The following ADAMTS14 variants were observed in gnomAD, a reference collection of about 807,000 sequenced individuals.
The protein encoded by ADAMTS14 is A disintegrin and metalloproteinase with thrombospondin motifs 14.
Under a neutral mutation model 128.6 loss-of-function variants are expected in ADAMTS14, and 100 were observed. The ratio of observed to expected loss-of-function variants is 0.78; its 90% confidence interval spans 0.66 to 0.92. ADAMTS14 has a LOEUF of 0.92. ADAMTS14 is among the 40% of genes least tolerant of loss of function. The pLI is 0.00. For synonymous variants in ADAMTS14, 665 were observed against 653.8 expected (o/e 1.02, Z -0.26); for missense variants, 1,562 against 1,658.6 (o/e 0.94, Z 1.01).
intron 2 of ADAMTS14, among the ~76,000 whole-genome samples, chr10:70,681,501 C>T (rs953818238): frequency 6.6e-6 from 1 of 152,174 alleles, no homozygotes; most frequent in East Asian, 1.9e-4. Context: ...TCATGGGGAG[C>T]CATGGAGGTT....
In ADAMTS14 at chr10:70,736,787, C is replaced by T. The variant is rs143495275; in HGVS notation, c.1593C>T (p.Pro531=). The T allele has an allele frequency of 2.0e-5, 32 of 1,613,286 alleles. No homozygotes were observed. Among genetic ancestry groups the T allele is most frequent in the African/African-American group, 8.0e-5 (6 of 74,862 alleles). The change falls in exon 10 of 22, where the codon CCC becomes CCT. Residue 531 remains proline (P), a synonymous_variant. Transcript: ENST00000373207. ...CGCTGGATGGGACTGAGTGTGCACCCGGCAAGGTACCTGTGGGGTGTGCAG... is the reference window on the plus strand; with the variant it reads ...CGCTGGATGGGACTGAGTGTGCACCTGGCAAGGTACCTGTGGGGTGTGCAG... The part of the protein sequence containing the change: ...GPPLDGTECA[P]GKWCFKGHCI...
rs749627609 is a variant in ADAMTS14, at chr10:70,735,291, C to A, written c.1475C>A (p.Thr492Asn). 1.1e-5 allele frequency: 17 copies of A among 1,613,728 alleles called. No homozygotes were observed. The highest frequency in any genetic ancestry group is 5.0e-5 in the Admixed American group (3 of 59,972). Residue 492 changes from threonine (T) to asparagine (N), a missense_variant, in exon 9 of 22, where the codon ACC (threonine) becomes AAC (asparagine). Coordinates refer to ENST00000373207, the MANE Select transcript of ADAMTS14 (RefSeq NM_080722.4). ...TTTGACTTTGGCAGTGGCTACCAGACCTGCTTGGCAGTAAGTAGCCATCTG... is the reference window on the plus strand; with the variant it reads ...TTTGACTTTGGCAGTGGCTACCAGAACTGCTTGGCAGTAAGTAGCCATCTG... ...CRFDFGSGYQ[T>N]CLAFRTFEPC...
chr10:70,708,901 T>A (rs1281742533), intron 4 of ADAMTS14, 123 bp downstream of exon 4: 4 of 777,830 alleles, frequency 5.1e-6, no homozygotes, highest in Non-Finnish European at 7.5e-6. Context: ...TTAGGTGGAT[T>A]TGGGGAAGTC....
intron 4 of ADAMTS14, among the ~76,000 whole-genome samples, chr10:70,715,545 T>C (rs1056108855): frequency 1.3e-5 from 2 of 151,938 alleles, no homozygotes; most frequent in Admixed American, 1.3e-4. Flanking sequence ...GGGATACTCT[T>C]TGGGGCTATG....
intron 2 of ADAMTS14, among the ~76,000 whole-genome samples, chr10:70,685,211 G>A (rs780206204): frequency 1.3e-5 from 2 of 152,168 alleles, no homozygotes; most frequent in Non-Finnish European, 2.9e-5. Context: ...CTCTCAGTGA[G>A]GGCCCAGGAG....
rs765756863 is a variant in ADAMTS14, at chr10:70,674,895, G to C, written c.422G>C (p.Arg141Pro). 3.1e-6 allele frequency: 5 copies of C among 1,613,314 alleles called. No individual in the cohort carries two copies. Among genetic ancestry groups the C allele is most frequent in the Non-Finnish European group, 1.7e-6 (2 of 1,180,026 alleles). ...GSSVEWQEDFRELFRQPLRQE... is the reference protein window; with the variant it reads ...GSSVEWQEDFPELFRQPLRQE... ...TCAGTGGAGTGGCAGGAGGATTTTCGGGAGCTGTTCCGGCAGCCCTTACGG... is the reference window on the plus strand; with the variant it reads ...TCAGTGGAGTGGCAGGAGGATTTTCCGGAGCTGTTCCGGCAGCCCTTACGG... Residue 141 changes from arginine to proline, a missense_variant, in exon 2 of 22, where the codon CGG (arginine) becomes CCG (proline). Arg to Pro is a moderately radical substitution (Grantham distance 103, BLOSUM62 -2). Coordinates refer to ENST00000373207, the MANE Select transcript of ADAMTS14 (RefSeq NM_080722.4).
At chr10:70,749,500 A>G (rs1197406793) in intron 15 of ADAMTS14, among the ~76,000 whole-genome samples, 2 of 152,046 alleles carry the variant, frequency 1.3e-5, no homozygotes, top group Non-Finnish European at 2.9e-5. Flanking sequence ...CCTGGAGGAG[A>G]GGAGATTATG....
chr10:70,732,119 T>C, intron 6 of ADAMTS14, 135 bp from the exon 7 acceptor site: 1 of 778,982 alleles, frequency 1.3e-6, no homozygotes, highest in South Asian at 1.5e-5. Flanking sequence ...TGGGACTTTG[T>C]GAGCATCTGT....
intron 3 of ADAMTS14, among the ~76,000 whole-genome samples, chr10:70,708,253 T>C (rs1840724928): frequency 6.6e-6 from 1 of 152,194 alleles, no homozygotes; most frequent in South Asian, 2.1e-4. Flanking sequence ...ATCTTCATGT[T>C]ATAAGAGAGA....
intron 11 of ADAMTS14, among the ~76,000 whole-genome samples, chr10:70,740,775 G>A (rs896861182): frequency 5.3e-5 from 8 of 152,224 alleles, no homozygotes; most frequent in African/African-American, 1.9e-4. Context: ...TGTCTGAAGG[G>A]TAAAGCAGTC....
intron 19 of ADAMTS14, 70 bp from the exon 20 acceptor site, chr10:70,757,892 G>A: frequency 1.3e-6 from 2 of 1,522,178 alleles, no homozygotes; most frequent in East Asian, 2.3e-5. Flanking sequence ...TGAGCTCACT[G>A]ACTCGTCTTT....
At chr10:70,688,112 G>T (rs866597283) in intron 2 of ADAMTS14, among the ~76,000 whole-genome samples, 1 of 45,336 alleles carries the variant, frequency 2.2e-5, no homozygotes, top group Non-Finnish European at 4.5e-5. Flanking sequence ...CTTCTCAGAC[G>T]GGGTGGTTGC....
chr10:70,713,925 G>T (rs1840937919), intron 4 of ADAMTS14, among the ~76,000 whole-genome samples: 1 of 152,208 alleles, frequency 6.6e-6, no homozygotes, highest in Non-Finnish European at 1.5e-5. Context: ...TGGGTGCCGT[G>T]ACTCACACCT....
chr10:70,709,495 G>GTT (rs746940189), intron 4 of ADAMTS14, among the ~76,000 whole-genome samples: 14,399 of 100,758 alleles, frequency 0.14, 3,117 homozygotes, highest in East Asian at 0.51. Context: ...AACATTTCCA[G>GTT]TTTTTTTTTT....
At chr10:70,692,082 A>G (rs1011589314) in intron 2 of ADAMTS14, among the ~76,000 whole-genome samples, 6 of 147,880 alleles carry the variant, frequency 4.1e-5, no homozygotes, top group Non-Finnish European at 8.9e-5. Context: ...GAATGCACTG[A>G]CTCCTGAGCC....
intron 18 of ADAMTS14, 152 bp downstream of exon 18, chr10:70,752,379 C>A: frequency 8.2e-7 from 1 of 1,226,014 alleles, no homozygotes. Context: ...GGCTCCAGGC[C>A]CAGGCCAGGA....
chr10:70,677,138 C>A (rs983419378), intron 2 of ADAMTS14, among the ~76,000 whole-genome samples: 1 of 152,174 alleles, frequency 6.6e-6, no homozygotes, highest in Non-Finnish European at 1.5e-5. Flanking sequence ...GCCACAGGGA[C>A]CAGGGAGGGC....
At chr10:70,742,912 A>G (rs747178806) in intron 12 of ADAMTS14, among the ~76,000 whole-genome samples, 12 of 152,150 alleles carry the variant, frequency 7.9e-5, no homozygotes, top group Non-Finnish European at 1.3e-4. Flanking sequence ...GATACAGACC[A>G]CTTTTCTGCC....
chr10:70,722,536 T>C (rs1276776023), intron 4 of ADAMTS14, among the ~76,000 whole-genome samples: 1 of 152,156 alleles, frequency 6.6e-6, no homozygotes, highest in Non-Finnish European at 1.5e-5. Context: ...AGGGATAGCA[T>C]ACCATCCTCC....
Sources: gnomAD v4.1 joint callset for allele counts (sites outside exome capture counted in the v4.1 genomes callset) on GRCh38, gnomAD v4.1.1 for gene constraint, MANE v1.5 for transcripts, NCBI Gene and HGNC (gene_info 2026-07-23, HGNC 2026-07-21) for gene names.